DPP6: variants seen among roughly 807,000 people sequenced by gnomAD.
The protein encoded by DPP6 is A-type potassium channel modulatory protein DPP6.
Under a neutral mutation model 122.6 loss-of-function variants are expected in DPP6, and 69 were observed. The ratio of observed to expected loss-of-function variants is 0.56; its 90% CI spans 0.46 to 0.69. DPP6 has a LOEUF of 0.69. Among genes scored for constraint, DPP6 ranks in the 30% least tolerant of loss-of-function variants. The pLI, the probability that DPP6 is intolerant of heterozygous loss-of-function variation, is 0.00. For synonymous variants in DPP6, 418 were observed against 433.1 expected (o/e 0.97, Z 0.43); for missense variants, 928 against 1,116.9 (o/e 0.83, Z 2.41).
intron 16 of DPP6, among the ~76,000 whole-genome samples, chr7:154,851,338 A>G (rs900061290): frequency 1.3e-5 from 2 of 152,226 alleles, no homozygotes; most frequent in Non-Finnish European, 2.9e-5. Context: ...AATATCTAAC[A>G]GCATGCCTTT....
At chr7:154,414,458 A>G (rs1563629738) in intron 1 of DPP6, among the ~76,000 whole-genome samples, 2 of 152,280 alleles carry the variant, frequency 1.3e-5, no homozygotes, top group South Asian at 2.1e-4. Flanking sequence ...GATACAATCA[A>G]AATTCCCCAT....
chr7:154,361,503 C>T (rs1811716353), intron 1 of DPP6, among the ~76,000 whole-genome samples: 1 of 143,562 alleles, frequency 7.0e-6, no homozygotes, highest in South Asian at 2.2e-4. Flanking sequence ...ATCAGCAAGG[C>T]ATAACTTAAC....
chr7:154,294,732 G>T (rs1330410803), intron 1 of DPP6, among the ~76,000 whole-genome samples: 2 of 152,060 alleles, frequency 1.3e-5, no homozygotes, highest in Non-Finnish European at 2.9e-5. Flanking sequence ...CCAGACAGGG[G>T]ACAACTCCAG....
At chr7:153,772,723 T>C in the DPP6 span, among the ~76,000 whole-genome samples, 1 of 148,742 alleles carries the variant, frequency 6.7e-6, no homozygotes, top group African/African-American at 2.4e-5. Context: ...TTTTGAGAAA[T>C]CCAACTTAAA....
chr7:153,818,422 A>T, the DPP6 span, among the ~76,000 whole-genome samples: 45 of 152,194 alleles, frequency 3.0e-4, no homozygotes, highest in East Asian at 8.5e-3. Context: ...TTGTAAAAGT[A>T]AACATTTAGG....
At chr7:154,826,753 T>C (rs1800180307) in intron 16 of DPP6, among the ~76,000 whole-genome samples, 1 of 152,194 alleles carries the variant, frequency 6.6e-6, no homozygotes, top group Non-Finnish European at 1.5e-5. Flanking sequence ...TGCAGCTTTT[T>C]CTCTTAATGG....
the DPP6 span, among the ~76,000 whole-genome samples, chr7:153,757,741 T>C: frequency 0.019 from 2,844 of 152,294 alleles, 28 homozygotes; most frequent in African/African-American, 0.036. Flanking sequence ...GTGGATCATT[T>C]GAGTCCACGA....
chr7:154,261,027 T>C lies in DPP6; in HGVS notation c.244-185187T>C, dbSNP rs1487166618. Among the ~76,000 whole-genome samples the C allele has an allele frequency of 4.6e-5, 7 of 151,806 alleles. No homozygotes were observed. In the East Asian group the frequency reaches 1.4e-3, roughly 29 times the overall value. Reference sequence around the variant, plus strand: ...TCTCCTGCCTCAGCCTCCCAAGTAGTTGGAACTGCAGGCACATGCCACCAC... The same window carrying C: ...TCTCCTGCCTCAGCCTCCCAAGTAGCTGGAACTGCAGGCACATGCCACCAC... On this transcript the variant is annotated intron_variant, in intron 1 of 25. Coordinates refer to ENST00000377770, the MANE Select transcript of DPP6 (RefSeq NM_130797.4).
chr7:154,450,551 G>A (rs1419218910), intron 2 of DPP6, among the ~76,000 whole-genome samples: 1 of 135,004 alleles, frequency 7.4e-6, no homozygotes, highest in Non-Finnish European at 1.5e-5. Flanking sequence ...ACTCCAAAGA[G>A]GCTTCAGGAG....
rs536003460 is a variant in DPP6 at position 154,524,690 on chromosome 7, C to G, written c.458-15842C>G. 4.6e-5 allele frequency among the ~76,000 whole-genome samples: 7 copies of G among 152,284 alleles called. No individual in the cohort carries two copies. The South Asian group carries it at 1.5e-3, about 32-fold the overall frequency. On this transcript the variant is annotated intron_variant, in intron 3 of 25. Coordinates refer to ENST00000377770, the MANE Select transcript of DPP6 (RefSeq NM_130797.4). ...CCACTGTGTAAGAGCTTTTTAAGCA[C>G]CAGCCCGCTTCTACTTACTGATATT...
chr7:154,214,548 C>T (rs564531647), intron 1 of DPP6, among the ~76,000 whole-genome samples: 1 of 152,348 alleles, frequency 6.6e-6, no homozygotes, highest in South Asian at 2.1e-4. Context: ...TGCCTGCCTA[C>T]TTCTGATGGA....
chr7:154,058,467 C>G (rs1239018693), intron 1 of DPP6: 2 of 135,114 alleles, frequency 1.5e-5, no homozygotes, highest in East Asian at 4.7e-4. Context: ...CTGTTGGTAC[C>G]CCCATCGTAG....
intron 7 of DPP6, among the ~76,000 whole-genome samples, chr7:154,719,106 T>G (rs563867879): frequency 1.3e-5 from 2 of 151,776 alleles, no homozygotes; most frequent in African/African-American, 4.9e-5. Flanking sequence ...AATCAGAGAG[T>G]GGTAGCCTTC....
At chr7:153,855,979 A>G in the DPP6 span, among the ~76,000 whole-genome samples, 3 of 152,064 alleles carry the variant, frequency 2.0e-5, no homozygotes, top group Admixed American at 2.0e-4. Context: ...AAGTTAAACA[A>G]TTGCCTCAAT....
At chr7:153,890,635 T>TAAA (rs1349516179) in intron 1 of DPP6, among the ~76,000 whole-genome samples, 1 of 152,076 alleles carries the variant, frequency 6.6e-6, no homozygotes, top group Non-Finnish European at 1.5e-5. Context: ...TCTTGTTTTG[T>TAAA]TTTAGTAAAT....
chr7:154,151,458 G>A (rs1203219860), intron 1 of DPP6, among the ~76,000 whole-genome samples: 1 of 152,110 alleles, frequency 6.6e-6, no homozygotes, highest in Non-Finnish European at 1.5e-5. Flanking sequence ...TTTTGGTCTC[G>A]ACACGGTTCA....
intron 1 of DPP6, among the ~76,000 whole-genome samples, chr7:154,291,337 C>T (rs1173233338): frequency 6.6e-6 from 1 of 152,146 alleles, no homozygotes; most frequent in African/African-American, 2.4e-5. Context: ...TTCCAGTTAT[C>T]TCTGAATAAA....
At chr7:154,673,961 C>T (rs1382683543) in intron 7 of DPP6, among the ~76,000 whole-genome samples, 1 of 151,956 alleles carries the variant, frequency 6.6e-6, no homozygotes, top group Non-Finnish European at 1.5e-5. Flanking sequence ...CTCCAACCTC[C>T]ACCTCCTGGG....
chr7:154,009,776 C>G (rs374312016), intron 1 of DPP6, among the ~76,000 whole-genome samples: 27 of 151,102 alleles, frequency 1.8e-4, no homozygotes, highest in African/African-American at 3.0e-4. Context: ...TCTCACCCCA[C>G]AGTCAGCCCC....
Sources: allele counts gnomAD v4.1 joint callset (sites outside exome capture counted in the v4.1 genomes callset), GRCh38; gene constraint gnomAD v4.1.1; transcripts MANE v1.5; gene names NCBI Gene and HGNC (gene_info 2026-07-23, HGNC 2026-07-21).